Variants in TBX5 observed in about 807,000 individuals in gnomAD.
TBX5 encodes the protein T-box transcription factor 5, also known as T-box transcription factor TBX5.
A neutral mutation model predicts 51.1 loss-of-function variants in TBX5; 8 were observed. The ratio of observed to expected loss-of-function variants is 0.16; its 90% CI spans 0.09 to 0.28. The LOEUF (loss-of-function observed/expected upper bound fraction) is 0.28, where lower values mean the gene tolerates loss of function less well. Ranked by LOEUF, TBX5 falls within the 10% of genes least tolerant of loss-of-function variation. The pLI, the probability that TBX5 is intolerant of heterozygous loss-of-function variation, is 1.00. For synonymous variants in TBX5, 302 were observed against 266.4 expected, an observed-to-expected ratio of 1.13 and a Z score of -1.30; for missense variants, 589 against 671.7, an observed-to-expected ratio of 0.88 and a Z score of 1.36.
upstream of TBX5, among the ~76,000 whole-genome samples, chr12:114,406,684 T>C (rs1872248599): frequency 6.6e-6 from 1 of 152,080 alleles, no homozygotes; most frequent in Non-Finnish European, 1.5e-5. Context: ...AAGAAATCGC[T>C]GCGGGCCCTC....
At chr12:114,372,310 T>C (rs1448390602) in intron 7 of TBX5, among the ~76,000 whole-genome samples, 2 of 152,078 alleles carry the variant, frequency 1.3e-5, no homozygotes, top group African/African-American at 2.4e-5. Flanking sequence ...GTCGGTTTTT[T>C]TCTTTTGTTT....
chr12:114,378,340 T>C, intron 7 of TBX5, among the ~76,000 whole-genome samples: 1 of 152,178 alleles, frequency 6.6e-6, no homozygotes, highest in East Asian at 1.9e-4. Context: ...CCCAGTTTAG[T>C]GGAAAGGGGG....
At chr12:114,408,121 C>T, upstream of TBX5, 4 of 985,434 alleles carry the variant, frequency 4.1e-6, no homozygotes, top group Non-Finnish European at 4.8e-6. Context: ...GTCACGCAAC[C>T]GGCCCGCGCG....
rs553011696 is a variant in TBX5, at chr12:114,404,687, G to T, written c.-38-751C>A. Among the ~76,000 whole-genome samples the T allele has an allele frequency of 7.2e-5, 11 of 152,230 alleles. No homozygotes were observed. The East Asian group carries it at 2.1e-3, about 30-fold the overall frequency. ...AAGAAAGTCACCGTGCAGCCGTTCCGAGGAAGGCTCGTCACTGGGTGCCCG... is the reference window on the plus strand; with the variant it reads ...AAGAAAGTCACCGTGCAGCCGTTCCTAGGAAGGCTCGTCACTGGGTGCCCG... On this transcript the variant is annotated intron_variant, in intron 1 of 8. Coordinates refer to ENST00000405440, the MANE Select transcript of TBX5 (RefSeq NM_181486.4).
intron 8 of TBX5, 95 bp downstream of exon 8, chr12:114,366,070 G>C (rs770441566): frequency 1.1e-5 from 14 of 1,266,040 alleles, no homozygotes; most frequent in Non-Finnish European, 1.6e-5. Flanking sequence ...AATAAATAAA[G>C]TAAATAAATG....
At chr12:114,358,517 A>G (rs1869043965) in intron 8 of TBX5, among the ~76,000 whole-genome samples, 1 of 152,178 alleles carries the variant, frequency 6.6e-6, no homozygotes, top group Non-Finnish European at 1.5e-5. Context: ...ACCCACAGAT[A>G]AGCCAAAAGT....
intron 6 of TBX5, among the ~76,000 whole-genome samples, chr12:114,390,822 G>A (rs1382225666): frequency 2.0e-5 from 3 of 152,208 alleles, no homozygotes; most frequent in East Asian, 3.8e-4. Context: ...ATTGCACTGG[G>A]AGCTGCTGAC....
chr12:114,374,743 C>T (rs894850880), intron 7 of TBX5, among the ~76,000 whole-genome samples: 71 of 151,962 alleles, frequency 4.7e-4, no homozygotes, highest in African/African-American at 1.7e-3. Flanking sequence ...TACATTTCAC[C>T]CTATATAAAT....
At chr12:114,365,409 C>T (rs1031903978) in intron 8 of TBX5, among the ~76,000 whole-genome samples, 1 of 151,820 alleles carries the variant, frequency 6.6e-6, no homozygotes, top group Non-Finnish European at 1.5e-5. Context: ...TCCTCCTTAG[C>T]AGTTAAAAAT....
At chr12:114,370,288 G>GAAAAGAAAAGAAAGAAAAGAAAAGA in intron 7 of TBX5, among the ~76,000 whole-genome samples, 1 of 56,758 alleles carries the variant, frequency 1.8e-5, no homozygotes, top group Middle Eastern at 7.2e-3. Flanking sequence ...GAAAAGAAAA[G>GAAAAGAAAAGAAAGAAAAGAAAAGA]AAAGAAAAGA....
In TBX5 at chr12:114,355,797, G is replaced by A; in HGVS notation, c.1292C>T (p.Thr431Ile). ...CAGCCGAGGGACCAGGGGCCCCGAG[G>A]TGAAGTGAGCGGAGAAGTGCTGGTA... ...LPYQHFSAHFTSGPLVPRLAG... is the reference protein window; with the variant it reads ...LPYQHFSAHFISGPLVPRLAG... Residue 431 changes from threonine to isoleucine, a missense_variant, in exon 9 of 9, where the codon ACC (threonine) becomes ATC (isoleucine). By Grantham distance (89) the Thr-to-Ile change is moderately conservative. Around this residue, in one of 7 missense-constraint regions of TBX5, gnomAD observed 348 missense variants for 360.4 expected, o/e 0.97. Transcript: ENST00000405440. 1.9e-6 allele frequency: 3 copies of A among 1,614,196 alleles called. No individual in the cohort carries two copies. The highest frequency in any genetic ancestry group is 1.1e-5 in the South Asian group (1 of 91,088).
At chr12:114,388,040 G>A (rs1300942196) in intron 6 of TBX5, among the ~76,000 whole-genome samples, 1 of 152,190 alleles carries the variant, frequency 6.6e-6, no homozygotes, top group African/African-American at 2.4e-5. Flanking sequence ...GTTCAGATGA[G>A]GTTTTGCCAT....
Position 114,355,618 on chromosome 12 carries a change from G to A in TBX5, c.1471C>T (p.His491Tyr), listed in dbSNP as rs1868842936. Residue 491 changes from histidine to tyrosine, a missense_variant, in exon 9 of 9, where the codon CAT becomes TAT. Around this residue, in one of 7 missense-constraint regions of TBX5, gnomAD observed 348 missense variants for 360.4 expected, o/e 0.97. Coordinates refer to ENST00000405440, the MANE Select transcript of TBX5 (RefSeq NM_181486.4). ...TLQPPEFLYS[H>Y]GVPRTLSPHQ... ...GGGGATAGAGTCCTTGGCACGCCAT[G>A]AGAGTAGAGGAACTCAGGGGGCTGA... The A allele has an allele frequency of 6.2e-7, 1 of 1,614,082 alleles. No homozygotes were observed.
chr12:114,398,438 G>A, intron 5 of TBX5, 135 bp downstream of exon 5: 1 of 1,306,854 alleles, frequency 7.7e-7, no homozygotes, highest in Non-Finnish European at 1.1e-6. Context: ...AGAAAGCGAC[G>A]AAAGTGGGGG....
At chr12:114,361,187 C>T (rs1204837318) in intron 8 of TBX5, among the ~76,000 whole-genome samples, 2 of 152,170 alleles carry the variant, frequency 1.3e-5, no homozygotes, top group Non-Finnish European at 2.9e-5. Flanking sequence ...TAGATCCCTG[C>T]AAAATAGAGA....
At chr12:114,359,939 C>G (rs1869142323) in intron 8 of TBX5, among the ~76,000 whole-genome samples, 1 of 152,214 alleles carries the variant, frequency 6.6e-6, no homozygotes, top group Non-Finnish European at 1.5e-5. Flanking sequence ...CCCTCTTTCT[C>G]TTTTGGAAGA....
At chr12:114,363,379 C>T (rs780037585) in intron 8 of TBX5, among the ~76,000 whole-genome samples, 1 of 152,164 alleles carries the variant, frequency 6.6e-6, no homozygotes, top group Non-Finnish European at 1.5e-5. Context: ...GGTTTGTGAA[C>T]CGTGCATTCA....
intron 6 of TBX5, among the ~76,000 whole-genome samples, chr12:114,386,664 G>T (rs1870831013): frequency 6.6e-6 from 1 of 152,148 alleles, no homozygotes; most frequent in Non-Finnish European, 1.5e-5. Flanking sequence ...ATATGTAATT[G>T]TCTTTACTCA....
chr12:114,404,347 G>C (rs767999853), intron 1 of TBX5, among the ~76,000 whole-genome samples: 12 of 152,116 alleles, frequency 7.9e-5, no homozygotes, highest in African/African-American at 2.7e-4. Flanking sequence ...CAAAAACCCA[G>C]TGTCCTTTAG....
Sources: gnomAD v4.1 joint callset for allele counts (sites outside exome capture counted in the v4.1 genomes callset) on GRCh38, gnomAD v4.1.1 for gene constraint, gnomAD v4.1.1 regional missense constraint, MANE v1.5 for transcripts, NCBI Gene and HGNC (gene_info 2026-07-23, HGNC 2026-07-21) for gene names.